Variants in PFKFB2 observed in about 807,000 individuals in gnomAD.
PFKFB2 encodes the protein 6-phosphofructo-2-kinase/fructose-2,6-bisphosphatase 2.
In PFKFB2, 53 loss-of-function variants were observed where a neutral mutation model predicts 68.0. The ratio of observed to expected loss-of-function variants is 0.78; its 90% CI spans 0.63 to 0.98. PFKFB2 has a LOEUF of 0.98. PFKFB2 is among the 50% of genes least tolerant of loss of function. The pLI is 0.00. For synonymous variants in PFKFB2, 222 were observed against 227.6 expected (o/e 0.98, Z 0.22); for missense variants, 451 against 642.0 (o/e 0.70, Z 3.22).
At position 207,070,670 on chromosome 1, in the gene PFKFB2, C is replaced by T. The variant is rs1683439236; in HGVS notation, c.1222+261C>T. On this transcript the variant is annotated intron_variant, in intron 12 of 14. Coordinates refer to ENST00000367080, the MANE Select transcript of PFKFB2 (RefSeq NM_006212.2). The surrounding 1 kb of genome is among the most constrained non-coding windows in gnomAD (Gnocchi z 4.2). ...GGCTCAAGGGCCAGTGTCATGCTGA[C>T]ACTCCTGGCAGCATCAGGACAGTGG... 2.3e-6 allele frequency: 1 copy of T among 427,520 alleles called. No individual in the cohort carries two copies. Among genetic ancestry groups the T allele is most frequent in the Non-Finnish European group, 4.3e-6 (1 of 232,076 alleles). The allele number at this position is 427,520 out of a possible 1,614,324, so 26.5% of individuals were successfully genotyped here.
At chr1:207,079,189 T>C (rs902485268), downstream of PFKFB2, 5 of 643,092 alleles carry the variant, frequency 7.8e-6, no homozygotes, top group Admixed American at 2.6e-5. Flanking sequence ...TCCTGCCTAA[T>C]GGGAATATCA....
chr1:207,049,130 C>T (rs1682668600), upstream of PFKFB2: 1 of 1,614,018 alleles, frequency 6.2e-7, no homozygotes, highest in Admixed American at 1.7e-5. Context: ...AAGCGGTTGA[C>T]ATCAGTAAAC....
In PFKFB2 at chr1:207,077,524, CAT is replaced by C. The variant is rs1683661698; in HGVS notation, c.*5155_*5156del. The C allele has an allele frequency of 5.1e-6, 5 of 985,676 alleles. No homozygotes were observed. The highest frequency in any genetic ancestry group is 1.7e-5 in the African/African-American group (1 of 57,302). The allele number at this position is 985,676 out of a possible 1,614,324, so 61.1% of individuals were successfully genotyped here. ...GCTATGGCAAAATCAAAGGGCTGAT[CAT>C]ACATGGTGCCCTTTGGGAAGGGGGA... On this transcript the variant is annotated 3_prime_UTR_variant, in exon 15 of 15. Coordinates refer to ENST00000367080, the MANE Select transcript of PFKFB2 (RefSeq NM_006212.2).
Position 207,077,625 on chromosome 1 carries a change from G to A in PFKFB2, c.*5254G>A, listed in dbSNP as rs1683666400. 2 of 985,480 alleles carry A rather than the reference G, an allele frequency of 2.0e-6. No individual in the cohort carries two copies. The highest frequency in any genetic ancestry group is 1.7e-5 in the African/African-American group (1 of 57,218). The allele number at this position is 985,480 out of a possible 1,614,324, so 61.0% of individuals were successfully genotyped here. A position where few individuals can be genotyped will look rare whatever the true frequency, so the allele number is the denominator to read the frequency against. The stretch of plus-strand genomic sequence containing the variant: ...GGAAGCCTAGGAAGAGAGTTCTACT[G>A]TAGATTTCCTAGGCACTGCTCTGTT... On this transcript the variant is annotated 3_prime_UTR_variant, in exon 15 of 15. Coordinates refer to ENST00000367080, the MANE Select transcript of PFKFB2 (RefSeq NM_006212.2).
At chr1:207,035,066 T>C (rs1367725260) in intron 1 of PFKFB2, 1 of 699,588 alleles carries the variant, frequency 1.4e-6, no homozygotes, top group Non-Finnish European at 1.8e-6. Flanking sequence ...TTGATATAGG[T>C]CATCATTTGA....
intron 1 of PFKFB2, among the ~76,000 whole-genome samples, chr1:207,034,661 C>T (rs1440434341): frequency 6.6e-6 from 1 of 152,150 alleles, no homozygotes; most frequent in Non-Finnish European, 1.5e-5. Context: ...TCATCTTTCC[C>T]TTCCTCCCTT....
At chr1:207,055,717 A>C (rs571443917) in intron 2 of PFKFB2, among the ~76,000 whole-genome samples, 1 of 152,208 alleles carries the variant, frequency 6.6e-6, no homozygotes, top group East Asian at 1.9e-4. Flanking sequence ...GCCGACCAGC[A>C]TGAGACCAGG....
chr1:207,062,022 C>A lies in PFKFB2; in HGVS notation c.155C>A (p.Thr52Asn). ...ATTGGTTTGCCAGCCCGGGGTAAAA[C>A]CTACGTGTCCAAGAAACTAACACGC... Reference protein sequence around the residue: ...VMIGLPARGKTYVSKKLTRYL... With the variant: ...VMIGLPARGKNYVSKKLTRYL... Residue 52 changes from threonine (T) to asparagine (N), a missense_variant, in exon 3 of 15, where the codon ACC (threonine) becomes AAC (asparagine). Transcript: ENST00000367080. The A allele has an allele frequency of 6.2e-7, 1 of 1,614,224 alleles. No homozygotes were observed. Among genetic ancestry groups the A allele is most frequent in the Non-Finnish European group, 8.5e-7 (1 of 1,180,016 alleles).
rs1300648511 is a variant in PFKFB2 at position 207,076,163 on chromosome 1, C to T, written c.*3792C>T. The T allele has an allele frequency of 1.0e-6, 1 of 984,872 alleles. No individual in the cohort carries two copies. Among genetic ancestry groups the T allele is most frequent in the African/African-American group, 1.7e-5 (1 of 57,158 alleles). 61.0% of individuals were successfully genotyped at this position (984,872 alleles called of 1,614,324 possible). ...GGATCTGGGTAATCCTCTTTGCAAC[C>T]CACATTTGGTCTTCAGAGACACTGG... On this transcript the variant is annotated 3_prime_UTR_variant, in exon 15 of 15. Coordinates refer to ENST00000367080, the MANE Select transcript of PFKFB2 (RefSeq NM_006212.2).
At chr1:207,053,804 C>T (rs1682826580) in intron 1 of PFKFB2, among the ~76,000 whole-genome samples, 1 of 151,988 alleles carries the variant, frequency 6.6e-6, no homozygotes, top group African/African-American at 2.4e-5. Flanking sequence ...CGTGCTAGGG[C>T]TGTCTTGGGG....
intron 2 of PFKFB2, among the ~76,000 whole-genome samples, chr1:207,059,361 C>T (rs186658965): frequency 3.9e-5 from 6 of 152,180 alleles, no homozygotes; most frequent in Admixed American, 3.9e-4. Context: ...AGGTAATGAG[C>T]CAAATCATGG....
intron 1 of PFKFB2, among the ~76,000 whole-genome samples, chr1:207,039,751 T>G (rs2102315062): frequency 6.6e-6 from 1 of 152,266 alleles, no homozygotes; most frequent in Non-Finnish European, 1.5e-5. Context: ...TCAGACAAAC[T>G]CTCCTGCTGT....
At position 207,067,636 on chromosome 1, in the gene PFKFB2, A is replaced by C. The variant is rs140730046; in HGVS notation, c.770A>C (p.His257Pro). 4 of 1,613,988 alleles carry C rather than the reference A, an allele frequency of 2.5e-6. No homozygotes were observed. Among genetic ancestry groups the C allele is most frequent in the Non-Finnish European group, 3.4e-6 (4 of 1,180,002 alleles). The change falls in exon 9 of 15, where the codon CAT (histidine) becomes CCT (proline). Residue 257 changes from histidine (H) to proline (P), a missense_variant. Coordinates refer to ENST00000367080, the MANE Select transcript of PFKFB2 (RefSeq NM_006212.2). The stretch of plus-strand genomic sequence containing the variant: ...CCTCGCACCATTTACCTTTGCCGGC[A>C]TGGAGAAAGCGAGTTCAATCTCTTG... The part of the protein sequence containing the change: ...VQPRTIYLCR[H>P]GESEFNLLGK...
At chr1:207,051,506 G>A (rs1054877229), upstream of PFKFB2, among the ~76,000 whole-genome samples, 2 of 152,338 alleles carry the variant, frequency 1.3e-5, no homozygotes, top group African/African-American at 4.8e-5. Context: ...GGGGCCAAAA[G>A]ACTGGCCTTT....
rs1017176702 is a variant in PFKFB2 at position 207,070,783 on chromosome 1, T to G, written c.1222+374T>G. 4 of 281,186 alleles carry G rather than the reference T, an allele frequency of 1.4e-5. No homozygotes were observed. Among genetic ancestry groups the G allele is most frequent in the African/African-American group, 2.2e-5 (1 of 44,556 alleles). 17.4% of individuals were successfully genotyped at this position (281,186 alleles called of 1,614,324 possible). ...TTTCTGGGTAAGGGCAGTAAGAAGG[T>G]GCCGTTGCCTTCTTCCATACTTCGC... On this transcript the variant is annotated intron_variant, in intron 12 of 14. Coordinates refer to ENST00000367080, the MANE Select transcript of PFKFB2 (RefSeq NM_006212.2). The surrounding 1 kb of genome is among the most constrained non-coding windows in gnomAD (Gnocchi z 4.2).
At chr1:207,052,223 G>A (rs566353124), upstream of PFKFB2, 408 of 1,612,514 alleles carry the variant, frequency 2.5e-4, 5 homozygotes, top group South Asian at 4.2e-3. Context: ...TAAATTATAT[G>A]TAATGTTTCC....
chr1:207,040,349 T>C (rs968352063), intron 1 of PFKFB2, among the ~76,000 whole-genome samples: 5 of 152,144 alleles, frequency 3.3e-5, no homozygotes, highest in Non-Finnish European at 7.3e-5. Context: ...TACCTCAAGA[T>C]TCACTAATGA....
In PFKFB2 at chr1:207,074,136, G is replaced by A. The variant is rs558750002; in HGVS notation, c.*1765G>A. On this transcript the variant is annotated 3_prime_UTR_variant, in exon 15 of 15. Coordinates refer to ENST00000367080, the MANE Select transcript of PFKFB2 (RefSeq NM_006212.2). Reference sequence around the variant, plus strand: ...CATGCATGTATTTAAGTAGCTTCCCGGATGATTCTGATTCATAGCTCGGGT... The same window carrying A: ...CATGCATGTATTTAAGTAGCTTCCCAGATGATTCTGATTCATAGCTCGGGT... 9.2e-4 allele frequency: 873 copies of A among 944,662 alleles called. No individual in the cohort carries two copies. Among genetic ancestry groups the A allele is most frequent in the Admixed American group, 1.2e-3 (19 of 16,120 alleles). The allele number at this position is 944,662 out of a possible 1,614,324, so 58.5% of individuals were successfully genotyped here.
At chr1:207,068,409 C>A in intron 10 of PFKFB2, 100 bp downstream of exon 10, 1 of 1,045,610 alleles carries the variant, frequency 9.6e-7, no homozygotes, top group Non-Finnish European at 1.3e-6. Flanking sequence ...AAACTACAAC[C>A]AACAAGTAAA....
Sources: gnomAD v4.1 joint callset for allele counts (sites outside exome capture counted in the v4.1 genomes callset) on GRCh38, gnomAD v4.1.1 for gene constraint, Gnocchi (gnomAD v3.1) non-coding constraint, MANE v1.5 for transcripts, NCBI Gene and HGNC (gene_info 2026-07-23, HGNC 2026-07-21) for gene names.